ZNF483: variants seen among roughly 807,000 people sequenced by gnomAD.
ZNF483 encodes zinc finger protein HIT-10.
Under a neutral mutation model 28.6 loss-of-function variants are expected in ZNF483, and 9 were observed. That is an observed-to-expected ratio of 0.32 (90% CI 0.19 to 0.55). The LOEUF (loss-of-function observed/expected upper bound fraction) is 0.55, where lower values mean the gene tolerates loss of function less well. Ranked by LOEUF, ZNF483 falls within the 20% of genes least tolerant of loss-of-function variation. The probability of loss-of-function intolerance (pLI) is 0.93; values close to 1 mark genes in which losing one functional copy is unlikely to be tolerated. For synonymous variants in ZNF483, 322 were observed against 306.2 expected (o/e 1.05, Z -0.54); for missense variants, 675 against 871.7 (o/e 0.77, Z 2.84).
intron 5 of ZNF483, chr9:111,563,164 A>C (rs746453470): frequency 1.2e-6 from 2 of 1,614,046 alleles, no homozygotes; most frequent in Non-Finnish European, 8.5e-7. Flanking sequence ...TCCTTTCAGC[A>C]TTCCCATAAA....
rs1049872967 is a variant in ZNF483 at position 111,545,461 on chromosome 9, G to A, written c.*2291G>A. ...TTACATATCATTAAAACCATTTCAA[G>A]TGTACAATTCAGTGAGTTTTAGTAA... On this transcript the variant is annotated 3_prime_UTR_variant, in exon 6 of 6. Transcript: ENST00000309235. Among the ~76,000 whole-genome samples the A allele has an allele frequency of 3.9e-5, 6 of 152,026 alleles. No homozygotes were observed. The highest frequency in any genetic ancestry group is 8.8e-5 in the Non-Finnish European group (6 of 68,008).
At chr9:111,569,211 C>A (rs117548172) in intron 5 of ZNF483, among the ~76,000 whole-genome samples, 2 of 152,096 alleles carry the variant, frequency 1.3e-5, no homozygotes, top group Non-Finnish European at 2.9e-5. Flanking sequence ...TGAGCCCAGA[C>A]GAGCTAACTA....
intron 1 of ZNF483, among the ~76,000 whole-genome samples, chr9:111,526,116 A>C (rs950849776): frequency 2.6e-5 from 4 of 152,106 alleles, no homozygotes; most frequent in African/African-American, 9.7e-5. Context: ...TGTGCAAAGG[A>C]GTGCTTTGGG....
chr9:111,536,157 C>T (rs1827495269), intron 5 of ZNF483, among the ~76,000 whole-genome samples: 1 of 151,234 alleles, frequency 6.6e-6, no homozygotes, highest in Non-Finnish European at 1.5e-5. Flanking sequence ...TCTCAAAGTA[C>T]TGGGATTACA....
downstream of ZNF483, among the ~76,000 whole-genome samples, chr9:111,556,882 G>C (rs1828140920): frequency 6.6e-6 from 1 of 152,190 alleles, no homozygotes; most frequent in African/African-American, 2.4e-5. Context: ...AGTCAATTAA[G>C]CCCAAGCTAT....
rs1394571287 is a variant in ZNF483 at position 111,540,035 on chromosome 9, G to A, written c.722-1622G>A. Among the ~76,000 whole-genome samples the A allele has an allele frequency of 2.6e-5, 4 of 152,272 alleles. No homozygotes were observed. In the East Asian group the frequency reaches 7.7e-4, roughly 29 times the overall value. ...TGGTTCCAGCTACTTGGAAGGCTGA[G>A]GTGGGAGGATTGCTTGAGCTGGGGA... On this transcript the variant is annotated intron_variant, in intron 5 of 5. Transcript: ENST00000309235.
chr9:111,558,937 C>T (rs1252937070), downstream of ZNF483, among the ~76,000 whole-genome samples: 1 of 152,154 alleles, frequency 6.6e-6, no homozygotes, highest in Non-Finnish European at 1.5e-5. Context: ...TAACCATCTT[C>T]TATCACCACC....
chr9:111,525,646 G>A (rs1235310143), intron 1 of ZNF483, among the ~76,000 whole-genome samples: 1 of 152,080 alleles, frequency 6.6e-6, no homozygotes, highest in East Asian at 1.9e-4. Context: ...GAGGACCGCT[G>A]GGGGGTGAAA....
rs1305306699 is a variant in ZNF483, at chr9:111,528,012, G to A, written c.412+205G>A. 2.7e-6 allele frequency: 4 copies of A among 1,461,226 alleles called. No homozygotes were observed. The Admixed American group carries it at 1.1e-4, about 40-fold the overall frequency. The allele number at this position is 1,461,226 out of a possible 1,614,324, so 90.5% of individuals were successfully genotyped here. On this transcript the variant is annotated intron_variant, in intron 2 of 5. Transcript: ENST00000309235. ...TGTAAATATTTTTATCTGTTAAAAAGGGATTTTATCTTTCTTGTAGTTTTC... is the reference window on the plus strand; with the variant it reads ...TGTAAATATTTTTATCTGTTAAAAAAGGATTTTATCTTTCTTGTAGTTTTC...
At position 111,574,816 on chromosome 9, in the gene ZNF483, AAC is replaced by A. The variant is rs1163940494; in HGVS notation, c.722-1547_722-1546del. 3 of 1,613,726 alleles carry A rather than the reference AAC, an allele frequency of 1.9e-6. No homozygotes were observed. In the South Asian group the frequency reaches 3.3e-5, roughly 18 times the overall value. On this transcript the variant is annotated intron_variant, in intron 5 of 5. Coordinates refer to the ZNF483 transcript ENST00000358151. ...TTCCAAATTTCTTCATCTGGCCGAT[AAC>A]AGTGTTTGAAAACTCTCCACCTACC...
chr9:111,576,622 T>C, exon 6 of ZNF483: 1 of 537,442 alleles, frequency 1.9e-6, no homozygotes, highest in African/African-American at 1.9e-5. Flanking sequence ...TAAAAGCTAC[T>C]AGGATGAGTT....
In ZNF483 at chr9:111,545,795, T is replaced by C. The variant is rs555692270; in HGVS notation, c.*2625T>C. 6.6e-6 allele frequency among the ~76,000 whole-genome samples: 1 copy of C among 152,300 alleles called. No individual in the cohort carries two copies. The highest frequency in any genetic ancestry group is 1.9e-4 in the East Asian group (1 of 5,190). On this transcript the variant is annotated 3_prime_UTR_variant, in exon 6 of 6. Transcript: ENST00000309235. ...TCGTGCATTCACTAGTTGAAGAACA[T>C]TTGAGGTTTTTCCAGTTTTTGCCTG...
Position 111,545,055 on chromosome 9 carries a change from C to CT in ZNF483, c.*1885_*1886insT. On this transcript the variant is annotated 3_prime_UTR_variant, in exon 6 of 6. Coordinates refer to ENST00000309235, the MANE Select transcript of ZNF483 (RefSeq NM_133464.5). ...TAATGTATGTAGGTGTGAAATGCTA[C>CT]CTCTGGGAGAAGGTTTTTGGTGCCT... Among the ~76,000 whole-genome samples, 1 of 152,274 alleles carries CT rather than the reference C, an allele frequency of 6.6e-6. No individual in the cohort carries two copies. The highest frequency in any genetic ancestry group is 2.1e-4 in the South Asian group (1 of 4,818).
chr9:111,540,044 A>T (rs537417218), intron 5 of ZNF483, among the ~76,000 whole-genome samples: 1 of 152,104 alleles, frequency 6.6e-6, no homozygotes, highest in East Asian at 1.9e-4. Flanking sequence ...AGGTGGGAGG[A>T]TTGCTTGAGC....
intron 5 of ZNF483, among the ~76,000 whole-genome samples, chr9:111,535,667 C>G (rs929644791): frequency 1.3e-5 from 2 of 151,914 alleles, no homozygotes; most frequent in African/African-American, 4.8e-5. Flanking sequence ...CCTCGGCCTC[C>G]CAAGTAGCTG....
At chr9:111,560,513 C>A (rs1473255868) in intron 5 of ZNF483, among the ~76,000 whole-genome samples, 1 of 147,100 alleles carries the variant, frequency 6.8e-6, no homozygotes, top group African/African-American at 2.5e-5. Context: ...TGGTGGCAGG[C>A]GCCTGTAATC....
chr9:111,562,126 G>A (rs1178274115), intron 5 of ZNF483, among the ~76,000 whole-genome samples: 7 of 151,860 alleles, frequency 4.6e-5, no homozygotes, highest in East Asian at 1.9e-4. Context: ...CCTCGCCTCC[G>A]CCTCCAAAAG....
intron 1 of ZNF483, among the ~76,000 whole-genome samples, chr9:111,526,027 C>T (rs1827178023): frequency 6.6e-6 from 1 of 152,136 alleles, no homozygotes; most frequent in East Asian, 1.9e-4. Context: ...CAGCTCATGG[C>T]CCCTGGTCTC....
chr9:111,561,753 T>A (rs1828329294), intron 5 of ZNF483, among the ~76,000 whole-genome samples: 1 of 151,638 alleles, frequency 6.6e-6, no homozygotes, highest in Non-Finnish European at 1.5e-5. Flanking sequence ...CTGCAGTGAT[T>A]ATTTCTTCTG....
Sources: gnomAD v4.1 joint callset for allele counts (sites outside exome capture counted in the v4.1 genomes callset) on GRCh38, gnomAD v4.1.1 for gene constraint, MANE v1.5 for transcripts, NCBI Gene and HGNC (gene_info 2026-07-23, HGNC 2026-07-21) for gene names.